ANKS1B: variants seen among roughly 807,000 people sequenced by gnomAD.
The protein encoded by ANKS1B is ankyrin repeat and sterile alpha motif domain containing 1B.
In ANKS1B, 36 loss-of-function variants were observed where a neutral mutation model predicts 148.3. The ratio of observed to expected loss-of-function variants is 0.24; its 90% confidence interval spans 0.19 to 0.32. ANKS1B has a LOEUF of 0.32. Ranked by LOEUF, ANKS1B falls within the 10% of genes least tolerant of loss-of-function variation. ANKS1B has a pLI of 1.00. For missense variants in ANKS1B, 1,157 were observed against 1,542.6 expected (o/e 0.75, Z 4.19); for synonymous variants, 542 against 560.8 (o/e 0.97, Z 0.47).
intron 14 of ANKS1B, among the ~76,000 whole-genome samples, chr12:99,227,028 G>T (rs2086053732): frequency 6.6e-6 from 1 of 152,242 alleles, no homozygotes; most frequent in Non-Finnish European, 1.5e-5. Flanking sequence ...GAACTGTTAA[G>T]GTAGGGTGAT....
intron 1 of ANKS1B, among the ~76,000 whole-genome samples, chr12:99,887,128 GA>G (rs2092864770): frequency 6.6e-6 from 1 of 152,134 alleles, no homozygotes; most frequent in South Asian, 2.1e-4. Context: ...GTCAGTAACT[GA>G]AACAGTGAAA....
chr12:98,868,119 T>C (rs907028536), intron 17 of ANKS1B, among the ~76,000 whole-genome samples: 1 of 152,172 alleles, frequency 6.6e-6, no homozygotes, highest in African/African-American at 2.4e-5. Flanking sequence ...TCTGCATTGA[T>C]TGATTAATAA....
intron 11 of ANKS1B, among the ~76,000 whole-genome samples, chr12:99,417,394 T>C (rs1187922938): frequency 6.6e-6 from 1 of 152,202 alleles, no homozygotes; most frequent in Non-Finnish European, 1.5e-5. Context: ...TCTTCTGTCC[T>C]ATTGATCTAA....
intron 15 of ANKS1B, among the ~76,000 whole-genome samples, chr12:99,100,681 C>T (rs1424141863): frequency 6.6e-6 from 1 of 152,200 alleles, no homozygotes; most frequent in Non-Finnish European, 1.5e-5. Flanking sequence ...AGGCACATGC[C>T]ATCACGCCCA....
chr12:99,162,192 A>G (rs2153830749), intron 14 of ANKS1B, among the ~76,000 whole-genome samples: 1 of 152,268 alleles, frequency 6.6e-6, no homozygotes, highest in South Asian at 2.1e-4. Flanking sequence ...GTGGAAAGTG[A>G]CTATTAATGG....
chr12:98,765,484 G>A (rs2098468307), intron 25 of ANKS1B, among the ~76,000 whole-genome samples: 1 of 151,510 alleles, frequency 6.6e-6, no homozygotes, highest in Non-Finnish European at 1.5e-5. Flanking sequence ...GGCCAGTCTT[G>A]AACTCCTGAG....
chr12:99,514,430 T>C (rs1225753840), intron 9 of ANKS1B, among the ~76,000 whole-genome samples: 1 of 152,042 alleles, frequency 6.6e-6, no homozygotes, highest in Non-Finnish European at 1.5e-5. Flanking sequence ...AATTCCCCAC[T>C]GTGGGAAGAA....
rs986248165 is a variant in ANKS1B, at chr12:99,436,209, G to T, written c.1575+7464C>A. On this transcript the variant is annotated intron_variant, in intron 11 of 26. Transcript: ENST00000683438. ...GAAGCTTCACCCTTCTAGAATATCA[G>T]TATTCCACCTCGATTATTTTCTACC... is the stretch of plus-strand genomic sequence containing the variant. Among the ~76,000 whole-genome samples the T allele has an allele frequency of 7.9e-5, 12 of 151,914 alleles. No homozygotes were observed. The East Asian group carries it at 2.1e-3, about 27-fold the overall frequency.
At chr12:99,517,804 G>A (rs947093513) in intron 9 of ANKS1B, among the ~76,000 whole-genome samples, 1 of 152,050 alleles carries the variant, frequency 6.6e-6, no homozygotes, top group African/African-American at 2.4e-5. Flanking sequence ...CCAGATCTTG[G>A]AGGAAAGGCT....
chr12:99,031,012 T>C (rs539069225), intron 17 of ANKS1B, among the ~76,000 whole-genome samples: 2 of 152,328 alleles, frequency 1.3e-5, no homozygotes, highest in Non-Finnish European at 2.9e-5. Context: ...TGGAACAAAA[T>C]TGGTCACAAC....
chr12:98,904,487 T>A (rs951144064), intron 17 of ANKS1B, among the ~76,000 whole-genome samples: 1 of 152,252 alleles, frequency 6.6e-6, no homozygotes, highest in Non-Finnish European at 1.5e-5. Flanking sequence ...TGAACAGAAT[T>A]GGATGTGCAT....
chr12:99,659,948 C>G (rs140376757), intron 8 of ANKS1B, among the ~76,000 whole-genome samples: 1 of 152,120 alleles, frequency 6.6e-6, no homozygotes, highest in Admixed American at 6.6e-5. Context: ...AACAAATGTT[C>G]AAGATTGTCA....
intron 9 of ANKS1B, among the ~76,000 whole-genome samples, chr12:99,547,321 A>C (rs749652808): frequency 1.8e-4 from 24 of 130,118 alleles, no homozygotes; most frequent in African/African-American, 7.2e-4. Context: ...CTTTGTTTTT[A>C]TTTTCTTTTA....
intron 6 of ANKS1B, among the ~76,000 whole-genome samples, chr12:99,777,674 T>C (rs1158310531): frequency 6.6e-6 from 1 of 152,076 alleles, no homozygotes; most frequent in Non-Finnish European, 1.5e-5. Flanking sequence ...AACCTCTGCC[T>C]TCTGGGTTCA....
At chr12:99,231,020 C>T (rs1164089491) in intron 14 of ANKS1B, among the ~76,000 whole-genome samples, 3 of 152,110 alleles carry the variant, frequency 2.0e-5, no homozygotes, top group African/African-American at 7.2e-5. Context: ...TGTTGCAAAG[C>T]GTTTCAGAGA....
chr12:99,143,907 C>T (rs1029631680), intron 15 of ANKS1B, among the ~76,000 whole-genome samples: 10 of 152,032 alleles, frequency 6.6e-5, no homozygotes, highest in Non-Finnish European at 1.0e-4. Context: ...TATGTTGCCC[C>T]AGTATCTCTT....
At chr12:98,987,290 T>G (rs1187216139) in intron 17 of ANKS1B, among the ~76,000 whole-genome samples, 2 of 151,776 alleles carry the variant, frequency 1.3e-5, no homozygotes, top group Non-Finnish European at 2.9e-5. Context: ...TTAACTTCAT[T>G]AAAAATTAAA....
At chr12:99,425,703 A>G (rs1485658831) in intron 11 of ANKS1B, among the ~76,000 whole-genome samples, 1 of 151,428 alleles carries the variant, frequency 6.6e-6, no homozygotes, top group Non-Finnish European at 1.5e-5. Flanking sequence ...CCTTTTATTT[A>G]TTATTATTCT....
At chr12:99,127,406 G>A (rs1228771179) in intron 15 of ANKS1B, among the ~76,000 whole-genome samples, 3 of 151,922 alleles carry the variant, frequency 2.0e-5, no homozygotes. Context: ...GATCTAAATA[G>A]ACTGTCATCA....
Sources: allele counts gnomAD v4.1 joint callset (sites outside exome capture counted in the v4.1 genomes callset), GRCh38; gene constraint gnomAD v4.1.1; transcripts MANE v1.5; gene names NCBI Gene and HGNC (gene_info 2026-07-23, HGNC 2026-07-21).